UGT1A9: variants seen among roughly 807,000 people sequenced by gnomAD.
UGT1A9 encodes UDP-glucuronosyltransferase 1A9.
In UGT1A9, 35 loss-of-function variants were observed where a neutral mutation model predicts 45.0. The observed-to-expected ratio is 0.78, with a 90% CI of 0.59 to 1.03. The LOEUF (loss-of-function observed/expected upper bound fraction) is 1.03. Ranked by LOEUF, UGT1A9 falls within the 50% of genes least tolerant of loss-of-function variation. The pLI is 0.00. For synonymous variants in UGT1A9, 278 were observed against 250.6 expected, an observed-to-expected ratio of 1.11 and a Z score of -1.03; for missense variants, 687 against 666.6, an observed-to-expected ratio of 1.03 and a Z score of -0.34.
intron 1 of UGT1A9, among the ~76,000 whole-genome samples, chr2:233,704,256 C>CTTT (rs59925871): frequency 0.31 from 38,668 of 122,898 alleles, 6,586 homozygotes; most frequent in African/African-American, 0.43. Flanking sequence ...GCCTTTATTG[C>CTTT]TTTTTTTTTT....
chr2:233,691,351 T>C (rs2075039677), intron 1 of UGT1A9: 2 of 985,564 alleles, frequency 2.0e-6, no homozygotes, highest in African/African-American at 1.7e-5. Context: ...TCGCATGCCT[T>C]GAACAATGAA....
Position 233,773,068 on chromosome 2 carries a change from G to C in UGT1A9, c.*509G>C, listed in dbSNP as rs1488458773. Reference sequence around the variant, plus strand: ...TGTACCTTTAGAGTGTAGGTGAAATGAATGAATGGCTTGGAGTGCACTGAG... The same window carrying C: ...TGTACCTTTAGAGTGTAGGTGAAATCAATGAATGGCTTGGAGTGCACTGAG... On this transcript the variant is annotated 3_prime_UTR_variant, in exon 5 of 5. Coordinates refer to ENST00000354728, the MANE Select transcript of UGT1A9 (RefSeq NM_021027.3). 5.8e-6 allele frequency: 1 copy of C among 171,412 alleles called. No homozygotes were observed. Among genetic ancestry groups the C allele is most frequent in the Non-Finnish European group, 1.3e-5 (1 of 78,258 alleles). The allele number at this position is 171,412 out of a possible 1,614,324, so 10.6% of individuals were successfully genotyped here. A position where few individuals can be genotyped will look rare whatever the true frequency, so the allele number is the denominator to read the frequency against.
chr2:233,757,503 A>G (rs1469765233), intron 1 of UGT1A9, among the ~76,000 whole-genome samples: 5 of 137,398 alleles, frequency 3.6e-5, no homozygotes, highest in African/African-American at 1.1e-4. Context: ...GAGTGATAGC[A>G]TGATTCCAAA....
rs368518074 is a variant in UGT1A9, at chr2:233,743,691, C to A, written c.856-23343C>A. On this transcript the variant is annotated intron_variant, in intron 1 of 4. Coordinates refer to ENST00000354728, the MANE Select transcript of UGT1A9 (RefSeq NM_021027.3). The stretch of plus-strand genomic sequence containing the variant: ...TCGAAGGGCCTGCCGCCTGTGCAGC[C>A]GCCCTCCGCCCCCGCCTCGCCATAG... 5.1e-6 allele frequency: 7 copies of A among 1,367,238 alleles called. No individual in the cohort carries two copies. In the South Asian group the frequency reaches 7.9e-5, roughly 16 times the overall value. 84.7% of individuals were successfully genotyped at this position (1,367,238 alleles called of 1,614,324 possible).
At chr2:233,698,865 T>A (rs1197364655) in intron 1 of UGT1A9, among the ~76,000 whole-genome samples, 1 of 152,248 alleles carries the variant, frequency 6.6e-6, no homozygotes, top group East Asian at 1.9e-4. Context: ...TTGGTGTGAC[T>A]TTGCGACTTT....
At chr2:233,724,310 G>T (rs1212736933) in intron 1 of UGT1A9, among the ~76,000 whole-genome samples, 1 of 141,024 alleles carries the variant, frequency 7.1e-6, no homozygotes, top group African/African-American at 2.6e-5. Flanking sequence ...CCTCCCTCCC[G>T]GACGGGGCGG....
At chr2:233,694,066 G>T (rs969432855) in intron 1 of UGT1A9, among the ~76,000 whole-genome samples, 2 of 152,190 alleles carry the variant, frequency 1.3e-5, no homozygotes, top group Non-Finnish European at 2.9e-5. Flanking sequence ...TGAAGACAGG[G>T]CTCATGCTTG....
intron 1 of UGT1A9, chr2:233,713,781 G>C (rs1363495958): frequency 1.2e-6 from 2 of 1,613,986 alleles, no homozygotes; most frequent in Non-Finnish European, 1.7e-6. Context: ...CTTTGTGATG[G>C]ATTACCCCAG....
chr2:233,767,172 A>G lies in UGT1A9; in HGVS notation c.987+7A>G, dbSNP rs375883067. On this transcript the variant is annotated splice_region_variant and intron_variant, in intron 2 of 4. Coordinates refer to ENST00000354728, the MANE Select transcript of UGT1A9 (RefSeq NM_021027.3). The stretch of plus-strand genomic sequence containing the variant: ...GGGCAAAATCCCTCAGACAGTAAGA[A>G]GATTCTATACCATGGCCTCATATCT... The G allele has an allele frequency of 1.2e-6, 2 of 1,614,098 alleles. No individual in the cohort carries two copies. The highest frequency in any genetic ancestry group is 3.3e-5 in the Admixed American group (2 of 60,024).
chr2:233,693,399 A>T, intron 1 of UGT1A9: 2 of 1,614,156 alleles, frequency 1.2e-6, no homozygotes, highest in South Asian at 1.1e-5. Context: ...CTCCTGCAGG[A>T]CAGGGACACC....
intron 1 of UGT1A9, among the ~76,000 whole-genome samples, chr2:233,763,075 G>T (rs563223055): frequency 6.6e-6 from 1 of 152,130 alleles, no homozygotes; most frequent in Non-Finnish European, 1.5e-5. Flanking sequence ...CCTTCTTTGC[G>T]TGAGGATGTT....
chr2:233,732,874 G>C lies in UGT1A9; in HGVS notation c.856-34160G>C, dbSNP rs1220552637. On this transcript the variant is annotated intron_variant, in intron 1 of 4. Transcript: ENST00000354728. Reference sequence around the variant, plus strand: ...AGTCATTGGTAGCTTGATGGGTTTGGCATTGAATCTATAAATTACCTTGGG... The same window carrying C: ...AGTCATTGGTAGCTTGATGGGTTTGCCATTGAATCTATAAATTACCTTGGG... 6.6e-5 allele frequency among the ~76,000 whole-genome samples: 10 copies of C among 151,784 alleles called. No individual in the cohort carries two copies. The East Asian group carries it at 1.9e-3, about 29-fold the overall frequency.
At position 233,712,249 on chromosome 2, in the gene UGT1A9, T is replaced by C. The variant is rs1173166016; in HGVS notation, c.855+39460T>C. 2.0e-5 allele frequency among the ~76,000 whole-genome samples: 3 copies of C among 152,232 alleles called. No individual in the cohort carries two copies. The East Asian group carries it at 5.8e-4, about 29-fold the overall frequency. On this transcript the variant is annotated intron_variant, in intron 1 of 4. Coordinates refer to ENST00000354728, the MANE Select transcript of UGT1A9 (RefSeq NM_021027.3). ...CCACCATGGGTCTTTGCTAGGGTTGTCTTGCACATGTGTGCTTTAGACAGC... is the reference window on the plus strand; with the variant it reads ...CCACCATGGGTCTTTGCTAGGGTTGCCTTGCACATGTGTGCTTTAGACAGC...
chr2:233,756,091 CATT>C (rs1696120004), intron 1 of UGT1A9: 1 of 152,178 alleles, frequency 6.6e-6, no homozygotes, highest in Admixed American at 6.5e-5. Context: ...AATCAAGTAA[CATT>C]ATTACGGAAA....
In UGT1A9 at chr2:233,734,566, T is replaced by C. The variant is rs182305779; in HGVS notation, c.856-32468T>C. Among the ~76,000 whole-genome samples, 74 of 152,314 alleles carry C rather than the reference T, an allele frequency of 4.9e-4. No individual in the cohort carries two copies. The East Asian group carries it at 0.013, about 27-fold the overall frequency. ...CTTCCCTTCTGCTAGCTTTTGAATT[T>C]GTTTGCTCTTGCTTATCTAGTTCTT... On this transcript the variant is annotated intron_variant, in intron 1 of 4. Coordinates refer to ENST00000354728, the MANE Select transcript of UGT1A9 (RefSeq NM_021027.3).
chr2:233,699,994 G>A (rs1457243004), intron 1 of UGT1A9, among the ~76,000 whole-genome samples: 1 of 152,158 alleles, frequency 6.6e-6, no homozygotes, highest in Non-Finnish European at 1.5e-5. Context: ...GAATTACTCT[G>A]GCTCAAAATG....
chr2:233,768,508 A>G (rs1699630858), intron 4 of UGT1A9, 69 bp downstream of exon 4: 1 of 1,557,694 alleles, frequency 6.4e-7, no homozygotes, highest in South Asian at 1.2e-5. Flanking sequence ...AAATATGAAA[A>G]CATTTACGTA....
At chr2:233,710,507 A>G (rs576426640) in intron 1 of UGT1A9, among the ~76,000 whole-genome samples, 1 of 152,168 alleles carries the variant, frequency 6.6e-6, no homozygotes, top group Non-Finnish European at 1.5e-5. Flanking sequence ...CATTCCTCTT[A>G]TGACTGATGA....
In UGT1A9 at chr2:233,767,996, A is replaced by G. The variant is rs555884765; in HGVS notation, c.1075+60A>G. The G allele has an allele frequency of 8.8e-4, 1,425 of 1,614,192 alleles. 2 individuals are homozygous for G. The highest frequency in any genetic ancestry group is 7.6e-4 in the Non-Finnish European group (900 of 1,180,046). ...AGGGTCAAATTAAGAAAATGGCTTA[A>G]GCACAGCTATTCTAAAGGATTGTTG... On this transcript the variant is annotated intron_variant, in intron 3 of 4. Transcript: ENST00000354728.
Sources: allele counts gnomAD v4.1 joint callset (sites outside exome capture counted in the v4.1 genomes callset), GRCh38; gene constraint gnomAD v4.1.1; transcripts MANE v1.5; gene names NCBI Gene and HGNC (gene_info 2026-07-23, HGNC 2026-07-21).